The following PREP variants were observed in gnomAD, a reference collection of about 807,000 sequenced individuals.
The protein encoded by PREP is prolyl endopeptidase, also known as dJ355L5.1 (prolyl endopeptidase).
A neutral mutation model predicts 87.6 loss-of-function variants in PREP; 29 were observed. The ratio of observed to expected loss-of-function variants is 0.33; its 90% CI spans 0.25 to 0.45. The LOEUF is 0.45. PREP is among the 20% of genes least tolerant of loss of function. The pLI is 1.00. For synonymous variants in PREP, 337 were observed against 328.6 expected (o/e 1.03, Z -0.28); for missense variants, 695 against 886.5 (o/e 0.78, Z 2.74).
chr6:105,335,969 G>T (rs1003528064), intron 7 of PREP, among the ~76,000 whole-genome samples: 5 of 152,146 alleles, frequency 3.3e-5, no homozygotes, highest in Admixed American at 1.3e-4. Context: ...TAAAATAAGT[G>T]ATTTGAGGCT....
intron 6 of PREP, among the ~76,000 whole-genome samples, chr6:105,363,389 T>C (rs1453566020): frequency 6.6e-6 from 1 of 152,144 alleles, no homozygotes; most frequent in East Asian, 1.9e-4. Context: ...CAGAGCTTTG[T>C]GGGTTTTTGG....
chr6:105,342,397 C>A (rs966947940), intron 7 of PREP, among the ~76,000 whole-genome samples: 2 of 152,268 alleles, frequency 1.3e-5, no homozygotes, highest in Non-Finnish European at 2.9e-5. Context: ...ATAATAAGAG[C>A]TATTTATGAC....
intron 14 of PREP, among the ~76,000 whole-genome samples, chr6:105,280,378 G>C (rs1770054022): frequency 6.7e-6 from 1 of 149,566 alleles, no homozygotes; most frequent in South Asian, 2.1e-4. Context: ...CAGGCTTCTT[G>C]TGCCAGTCTG....
Position 105,359,580 on chromosome 6 carries a change from T to C in PREP, c.718-6503A>G, listed in dbSNP as rs536892587. ...CACTGACAGACATCAGCATGTGTAG[T>C]GGGTGCTGTGCTGGGCTGCCCTCTA... On this transcript the variant is annotated intron_variant, in intron 6 of 14. Transcript: ENST00000652536. Among the ~76,000 whole-genome samples the C allele has an allele frequency of 2.6e-5, 4 of 152,278 alleles. 1 individual carries two copies. The South Asian group carries it at 8.3e-4, about 32-fold the overall frequency.
intron 7 of PREP, among the ~76,000 whole-genome samples, chr6:105,349,391 C>T (rs900287175): frequency 5.3e-5 from 8 of 152,192 alleles, no homozygotes; most frequent in African/African-American, 1.9e-4. Flanking sequence ...ATTTAACTTT[C>T]AAGTTGCTAA....
rs115871495 is a variant in PREP, at chr6:105,331,123, C to T, written c.1016-2097G>A. 5.2e-3 allele frequency among the ~76,000 whole-genome samples: 787 copies of T among 152,218 alleles called. 5 individuals carry two copies. The highest frequency in any genetic ancestry group is 0.017 in the African/African-American group (712 of 41,540). On this transcript the variant is annotated intron_variant, in intron 8 of 14. Coordinates refer to ENST00000652536, the MANE Select transcript of PREP (RefSeq NM_002726.5). The stretch of plus-strand genomic sequence containing the variant: ...TCATTAATAAAAGCTCTGACTTTAC[C>T]GCTGTACTTTATGACTCATCTCTAG...
chr6:105,331,966 C>T (rs1351649219), intron 8 of PREP, among the ~76,000 whole-genome samples: 1 of 152,036 alleles, frequency 6.6e-6, no homozygotes, highest in African/African-American at 2.4e-5. Flanking sequence ...CGGGACTGTG[C>T]CTGGAAATCC....
At chr6:105,315,304 C>T (rs1025629104) in intron 10 of PREP, among the ~76,000 whole-genome samples, 2 of 152,172 alleles carry the variant, frequency 1.3e-5, no homozygotes, top group African/African-American at 4.8e-5. Flanking sequence ...GCTAGAACTA[C>T]AGGCACATGC....
Position 105,368,956 on chromosome 6 carries a change from C to A in PREP, c.664G>T (p.Asp222Tyr), listed in dbSNP as rs1277235025. 1 of 1,613,964 alleles carries A rather than the reference C, an allele frequency of 6.2e-7. No individual in the cohort carries two copies. Among genetic ancestry groups the A allele is most frequent in the Non-Finnish European group, 8.5e-7 (1 of 1,179,988 alleles). The change falls in exon 6 of 15, where the codon GAT becomes TAT. Residue 222 changes from aspartate to tyrosine, a missense_variant. Asp to Tyr is a radical substitution (Grantham distance 160). Around this residue, in one of 5 missense-constraint regions of PREP, gnomAD observed 517 missense variants for 620.3 expected, o/e 0.83. Coordinates refer to ENST00000652536, the MANE Select transcript of PREP (RefSeq NM_002726.5). ...YHVLGTDQSE[D>Y]ILCAEFPDEP... ...TCAGGAAACTCAGCACACAAAATAT[C>A]TTCTGACTGATCGGTTCCCAAGACA... is the stretch of plus-strand genomic sequence containing the variant.
At chr6:105,325,898 C>T (rs1454375351) in intron 9 of PREP, among the ~76,000 whole-genome samples, 1 of 152,116 alleles carries the variant, frequency 6.6e-6, no homozygotes, top group African/African-American at 2.4e-5. Context: ...GAGAAGGTAT[C>T]TGGACTTGAG....
chr6:105,393,729 T>G (rs757259672), intron 2 of PREP, among the ~76,000 whole-genome samples: 4 of 152,190 alleles, frequency 2.6e-5, no homozygotes, highest in Non-Finnish European at 5.9e-5. Flanking sequence ...TTGAGAATTT[T>G]CCATTACAAG....
Position 105,400,833 on chromosome 6 carries a change from C to G in PREP, c.45+2014G>C, listed in dbSNP as rs1465764398. ...TACTGAGCATATGGCTGAAGGTGCT[C>G]AAGTGAAAGAGACAGAGAGCTACCG... On this transcript the variant is annotated intron_variant, in intron 1 of 14. Coordinates refer to ENST00000652536, the MANE Select transcript of PREP (RefSeq NM_002726.5). 2.0e-5 allele frequency among the ~76,000 whole-genome samples: 3 copies of G among 152,186 alleles called. No homozygotes were observed. In the East Asian group the frequency reaches 5.8e-4, roughly 29 times the overall value.
chr6:105,318,106 A>C (rs1770920315), intron 10 of PREP, among the ~76,000 whole-genome samples: 1 of 152,202 alleles, frequency 6.6e-6, no homozygotes, highest in Non-Finnish European at 1.5e-5. Context: ...CTTGTGTGGC[A>C]GACTGCTAGT....
chr6:105,397,732 C>A, intron 2 of PREP, 121 bp downstream of exon 2: 1 of 770,764 alleles, frequency 1.3e-6, no homozygotes, highest in Non-Finnish European at 2.2e-6. Flanking sequence ...AACAGGTATA[C>A]TCACCATCCC....
intron 10 of PREP, among the ~76,000 whole-genome samples, chr6:105,318,914 C>T (rs142342968): frequency 6.6e-6 from 1 of 152,250 alleles, no homozygotes; most frequent in Admixed American, 6.5e-5. Flanking sequence ...ATGAACTTGG[C>T]GCAGAAGTTA....
chr6:105,332,024 G>C (rs540190729), intron 8 of PREP, among the ~76,000 whole-genome samples: 9 of 152,158 alleles, frequency 5.9e-5, no homozygotes, highest in East Asian at 5.8e-4. Flanking sequence ...GCCTGGAATG[G>C]GTTGCTGTCT....
intron 10 of PREP, chr6:105,302,781 CTT>C (rs567572455): frequency 4.2e-6 from 2 of 476,802 alleles, no homozygotes; most frequent in Non-Finnish European, 8.2e-6. Context: ...AGCAGCAACT[CTT>C]TCTCCTTCCC....
At chr6:105,366,759 G>A (rs1349526629) in intron 6 of PREP, among the ~76,000 whole-genome samples, 3 of 152,178 alleles carry the variant, frequency 2.0e-5, no homozygotes, top group Non-Finnish European at 4.4e-5. Flanking sequence ...TTAAAAAGGA[G>A]GGAAACCGAC....
chr6:105,296,588 T>A (rs1770417983), intron 10 of PREP, among the ~76,000 whole-genome samples: 1 of 152,208 alleles, frequency 6.6e-6, no homozygotes, highest in Non-Finnish European at 1.5e-5. Flanking sequence ...TCTAACTACT[T>A]TTCCCCAAAT....
Sources: gnomAD v4.1 joint callset for allele counts (sites outside exome capture counted in the v4.1 genomes callset) on GRCh38, gnomAD v4.1.1 for gene constraint, gnomAD v4.1.1 regional missense constraint, MANE v1.5 for transcripts, NCBI Gene and HGNC (gene_info 2026-07-23, HGNC 2026-07-21) for gene names.